The following ZNF277 variants were observed in gnomAD, a reference collection of about 807,000 sequenced individuals.
ZNF277 encodes the protein zinc finger protein 277, also known as nuclear receptor-interacting factor 4.
In ZNF277, 55 loss-of-function variants were observed where a neutral mutation model predicts 60.7. That is an observed-to-expected ratio of 0.91 (90% confidence interval 0.73 to 1.13). The LOEUF (loss-of-function observed/expected upper bound fraction) is 1.13, where lower values mean the gene tolerates loss of function less well. ZNF277 is among the 50% of genes most tolerant of loss of function. The pLI is 0.00. For missense variants in ZNF277, 510 were observed against 523.0 expected (o/e 0.98, Z 0.24); for synonymous variants, 178 against 179.3 (o/e 0.99, Z 0.06).
chr7:112,266,436 A>C (rs1791552302), intron 1 of ZNF277, among the ~76,000 whole-genome samples: 1 of 152,160 alleles, frequency 6.6e-6, no homozygotes, highest in African/African-American at 2.4e-5. Context: ...CAAGAGTCAC[A>C]GTGCCCAGCC....
At chr7:112,283,650 A>G (rs945659172) in intron 1 of ZNF277, among the ~76,000 whole-genome samples, 3 of 152,202 alleles carry the variant, frequency 2.0e-5, no homozygotes, top group Non-Finnish European at 4.4e-5. Flanking sequence ...TGGTTCTCAT[A>G]TGTGTGAATA....
chr7:112,233,088 G>T (rs936712915), intron 1 of ZNF277, among the ~76,000 whole-genome samples: 1 of 151,962 alleles, frequency 6.6e-6, no homozygotes, highest in Non-Finnish European at 1.5e-5. Flanking sequence ...GAATTTTCTT[G>T]TTTTATCTTG....
chr7:112,291,207 C>T (rs1208409224), intron 2 of ZNF277, among the ~76,000 whole-genome samples: 1 of 152,058 alleles, frequency 6.6e-6, no homozygotes, highest in Non-Finnish European at 1.5e-5. Context: ...ATGTTAACTT[C>T]TTATTTCTTA....
intron 1 of ZNF277, among the ~76,000 whole-genome samples, chr7:112,227,902 A>G (rs1443908433): frequency 1.3e-5 from 2 of 152,190 alleles, no homozygotes; most frequent in Non-Finnish European, 2.9e-5. Flanking sequence ...TAAGTCTAAT[A>G]GTTCAGCTGT....
intron 4 of ZNF277, among the ~76,000 whole-genome samples, chr7:112,305,389 GA>G (rs1792566302): frequency 6.6e-6 from 1 of 151,800 alleles, no homozygotes; most frequent in African/African-American, 2.4e-5. Flanking sequence ...AATGATTTAG[GA>G]AAAATTGCCT....
chr7:112,210,477 TG>T (rs1563191671), intron 1 of ZNF277, among the ~76,000 whole-genome samples: 6 of 129,480 alleles, frequency 4.6e-5, no homozygotes, highest in Non-Finnish European at 6.7e-5. Context: ...TTTTTTTTTT[TG>T]TTTTTTTTTT....
intron 1 of ZNF277, among the ~76,000 whole-genome samples, chr7:112,265,076 T>C (rs1490020735): frequency 6.6e-6 from 1 of 152,224 alleles, no homozygotes; most frequent in African/African-American, 2.4e-5. Flanking sequence ...GTTGTTTTGC[T>C]TTTTTATCAT....
chr7:112,219,505 C>A (rs1821971520), intron 1 of ZNF277, among the ~76,000 whole-genome samples: 1 of 152,112 alleles, frequency 6.6e-6, no homozygotes, highest in African/African-American at 2.4e-5. Context: ...ATTCTTGGCA[C>A]CCTTATCAAA....
intron 1 of ZNF277, among the ~76,000 whole-genome samples, chr7:112,277,551 G>A (rs1373417142): frequency 1.3e-5 from 2 of 152,058 alleles, no homozygotes; most frequent in East Asian, 1.9e-4. Flanking sequence ...TTGTCTAATA[G>A]ACTAGTCAAT....
At chr7:112,278,706 C>G (rs542941818) in intron 1 of ZNF277, among the ~76,000 whole-genome samples, 1 of 152,026 alleles carries the variant, frequency 6.6e-6, no homozygotes, top group Non-Finnish European at 1.5e-5. Context: ...TTCCTCCAGC[C>G]TTGACTTTTC....
At chr7:112,238,893 C>T (rs981699509) in intron 1 of ZNF277, among the ~76,000 whole-genome samples, 15 of 151,748 alleles carry the variant, frequency 9.9e-5, no homozygotes, top group East Asian at 1.9e-4. Context: ...TGGCGCGTAC[C>T]GCCCTGAACG....
intron 7 of ZNF277, 160 bp downstream of exon 7, chr7:112,330,376 A>G: frequency 1.5e-6 from 1 of 669,052 alleles, no homozygotes; most frequent in Non-Finnish European, 2.5e-6. Context: ...TTAGAGTACA[A>G]GACATTTGAT....
intron 1 of ZNF277, among the ~76,000 whole-genome samples, chr7:112,208,184 G>T (rs914313863): frequency 6.6e-6 from 1 of 152,062 alleles, no homozygotes; most frequent in Non-Finnish European, 1.5e-5. Context: ...AGACCAGCCT[G>T]GCCAATATGG....
At chr7:112,209,334 T>C (rs965672759) in intron 1 of ZNF277, among the ~76,000 whole-genome samples, 1 of 152,234 alleles carries the variant, frequency 6.6e-6, no homozygotes, top group Non-Finnish European at 1.5e-5. Context: ...TAAAATATAT[T>C]CAGCATACAT....
At chr7:112,254,494 A>G (rs1261835508) in intron 1 of ZNF277, among the ~76,000 whole-genome samples, 1 of 152,216 alleles carries the variant, frequency 6.6e-6, no homozygotes. Context: ...GGTTGTGTTG[A>G]CATGATTGGA....
At chr7:112,221,194 G>A (rs1003140712) in intron 1 of ZNF277, among the ~76,000 whole-genome samples, 7 of 152,100 alleles carry the variant, frequency 4.6e-5, no homozygotes, top group Non-Finnish European at 7.4e-5. Context: ...TAAGTGCCTG[G>A]GTTCATCCTA....
intron 2 of ZNF277, among the ~76,000 whole-genome samples, chr7:112,292,215 ACTC>A (rs950108822): frequency 2.5e-4 from 38 of 152,254 alleles, no homozygotes; most frequent in African/African-American, 8.4e-4. Context: ...AAGAGACAGT[ACTC>A]AAACATAGAA....
intron 1 of ZNF277, among the ~76,000 whole-genome samples, chr7:112,240,894 A>G (rs1471026135): frequency 6.6e-6 from 1 of 152,190 alleles, no homozygotes; most frequent in African/African-American, 2.4e-5. Flanking sequence ...CTCAAACTGT[A>G]AACCTTCTAG....
At chr7:112,221,326 A>G (rs955260407) in intron 1 of ZNF277, among the ~76,000 whole-genome samples, 1 of 152,024 alleles carries the variant, frequency 6.6e-6, no homozygotes, top group Non-Finnish European at 1.5e-5. Flanking sequence ...TGAGGCCAAG[A>G]ACCCAGGTCA....
Sources: gnomAD v4.1 joint callset for allele counts (sites outside exome capture counted in the v4.1 genomes callset) on GRCh38, gnomAD v4.1.1 for gene constraint, MANE v1.5 for transcripts, NCBI Gene and HGNC (gene_info 2026-07-23, HGNC 2026-07-21) for gene names.